The following NTSR2 variants were observed in gnomAD, a reference collection of about 807,000 sequenced individuals.
NTSR2 encodes the protein neurotensin receptor type 2.
A neutral mutation model predicts 24.1 loss-of-function variants in NTSR2; 22 were observed. The ratio of observed to expected loss-of-function variants is 0.91; its 90% CI spans 0.65 to 1.30. The LOEUF is 1.30. NTSR2 is among the 50% of genes most tolerant of loss of function. NTSR2 has a pLI of 0.00. For synonymous variants in NTSR2, 291 were observed against 267.0 expected (o/e 1.09, Z -0.88); for missense variants, 570 against 570.4 (o/e 1.00, Z 0.01).
intron 2 of NTSR2, 39 bp from the exon 3 acceptor site, chr2:11,660,172 A>G (rs759033683): frequency 6.7e-7 from 1 of 1,490,876 alleles, no homozygotes; most frequent in Non-Finnish European, 9.3e-7. Flanking sequence ...CGCCAGGAGA[A>G]AGCAAACACA....
In NTSR2 at chr2:11,669,627, AG is replaced by A; in HGVS notation, c.502del (p.Leu168CysfsTer31). 1 of 1,575,086 alleles carries A rather than the reference AG, an allele frequency of 6.3e-7. No individual in the cohort carries two copies. ...CTGCCCCATGATGACGGCCATGGGC[AG>A]GGCGAGGCCGAGCGAGGCGGCCCAC... ...LSWAASLGLA[L>X]PMAVIMGQKH... is the part of the protein sequence containing the mutation. On this transcript the variant is annotated frameshift_variant, in exon 1 of 4. Transcript: ENST00000306928. LOFTEE classifies it high-confidence loss of function.
In NTSR2 at chr2:11,662,172, G is replaced by T; in HGVS notation, c.693C>A (p.Ser231Arg). The T allele has an allele frequency of 6.3e-7, 1 of 1,592,986 alleles. No individual in the cohort carries two copies. The highest frequency in any genetic ancestry group is 1.8e-5 in the Admixed American group (1 of 56,858). The change falls in exon 2 of 4, where the codon AGC becomes AGA. Residue 231 changes from serine to arginine, a missense_variant. Ser to Arg is a moderately radical substitution (Grantham distance 110, BLOSUM62 -1). Transcript: ENST00000306928. ...LTAFLNGVTV[S>R]HLLALCSQVP... ...CTTGGGAGCAGAGGGCCAGCAGGTG[G>T]CTCACTGTGACCCCATTCAGGAAAG...
chr2:11,668,068 C>T (rs1389976455), intron 1 of NTSR2, among the ~76,000 whole-genome samples: 1 of 151,602 alleles, frequency 6.6e-6, no homozygotes, highest in African/African-American at 2.4e-5. Context: ...GGGGCATGCT[C>T]AATATCTGGA....
At chr2:11,668,286 A>T (rs1661247698) in intron 1 of NTSR2, among the ~76,000 whole-genome samples, 1 of 152,216 alleles carries the variant, frequency 6.6e-6, no homozygotes, top group African/African-American at 2.4e-5. Flanking sequence ...GGATGAGCAG[A>T]CACGAACAAA....
chr2:11,668,449 G>A lies in NTSR2; in HGVS notation c.624+1057C>T, dbSNP rs576330662. ...CCTGGGGACGTGCCACTAAGAAGCC[G>A]CTTAGGAGACTGCTTAGGACGAGTC... On this transcript the variant is annotated intron_variant, in intron 1 of 3. Coordinates refer to ENST00000306928, the MANE Select transcript of NTSR2 (RefSeq NM_012344.4). Among the ~76,000 whole-genome samples, 9 of 152,290 alleles carry A rather than the reference G, an allele frequency of 5.9e-5. No individual in the cohort carries two copies. The South Asian group carries it at 1.0e-3, about 18-fold the overall frequency.
chr2:11,658,620 G>A lies in NTSR2; in HGVS notation c.1092C>T (p.Ser364=). The change falls in exon 4 of 4, where the codon TCC becomes TCT. Residue 364 remains serine (S), a synonymous_variant. Transcript: ENST00000306928. ...CGGCTTCCAGGAAGAGTTTTCTGAA[G>A]GAGGAGGACACGGCGTTGTAGAGAA... ...TPLLYNAVSS[S]FRKLFLEAVS... The A allele has an allele frequency of 6.2e-7, 1 of 1,614,204 alleles. No homozygotes were observed. The highest frequency in any genetic ancestry group is 8.5e-7 in the Non-Finnish European group (1 of 1,180,040).
In NTSR2 at chr2:11,669,794, G is replaced by T; in HGVS notation, c.336C>A (p.Tyr112Ter). The change falls in exon 1 of 4, where the codon TAC (tyrosine) becomes TAA (stop). Residue 112 changes from tyrosine (Y) to a stop codon, truncating the protein, a stop_gained. Transcript: ENST00000306928. LOFTEE classifies it high-confidence loss of function. The stretch of plus-strand genomic sequence containing the variant: ...CGTAGGCGCACAGCTCGTGCACGAA[G>T]TAGTAGCCGCGGCAGCCCAGGTCGC... ...VFGDLGCRGY[Y>*]FVHELCAYAT... is the part of the protein sequence containing the mutation. 6.4e-7 allele frequency: 1 copy of T among 1,558,176 alleles called. No individual in the cohort carries two copies. Among genetic ancestry groups the T allele is most frequent in the Non-Finnish European group, 8.6e-7 (1 of 1,158,874 alleles).
rs1168694299 is a variant in NTSR2 at position 11,669,815 on chromosome 2, G to C, written c.315C>G (p.Asp105Glu). 5.1e-6 allele frequency: 8 copies of C among 1,569,452 alleles called. No individual in the cohort carries two copies. The African/African-American group carries it at 1.1e-4, about 21-fold the overall frequency. The change falls in exon 1 of 4, where the codon GAC becomes GAG. Residue 105 changes from aspartate to glutamate, a missense_variant. By Grantham distance (45) the Asp-to-Glu change is conservative (BLOSUM62 2). Transcript: ENST00000306928. Reference protein sequence around the residue: ...VWFHYPWVFGDLGCRGYYFVH... With the variant: ...VWFHYPWVFGELGCRGYYFVH... ...CGAAGTAGTAGCCGCGGCAGCCCAG[G>C]TCGCCGAAGACCCAGGGGTAGTGGA...
intron 1 of NTSR2, among the ~76,000 whole-genome samples, chr2:11,666,401 G>A (rs1056984252): frequency 8.5e-5 from 13 of 152,170 alleles, no homozygotes; most frequent in African/African-American, 2.2e-4. Flanking sequence ...AAAAAACAAC[G>A]AACAAAAAGT....
intron 1 of NTSR2, among the ~76,000 whole-genome samples, chr2:11,665,055 GTTTTTTTTTTTTTTTT>G (rs34751276): frequency 9.4e-6 from 1 of 106,676 alleles, no homozygotes; most frequent in African/African-American, 4.3e-5. Context: ...CTTTGGCACT[GTTTTTTTTTTTTTTTT>G]TTTTTTTTTT....
intron 3 of NTSR2, 132 bp from the exon 4 acceptor site, chr2:11,658,854 GT>G (rs1278712256): frequency 3.5e-5 from 38 of 1,075,092 alleles, no homozygotes; most frequent in Non-Finnish European, 4.8e-5. Context: ...GAAGCACAGT[GT>G]TTTTGTTTGT....
chr2:11,663,792 G>A (rs1661134504), intron 1 of NTSR2, among the ~76,000 whole-genome samples: 1 of 152,102 alleles, frequency 6.6e-6, no homozygotes, highest in Non-Finnish European at 1.5e-5. Context: ...ATAAGACAGT[G>A]GATACAATTT....
intron 1 of NTSR2, among the ~76,000 whole-genome samples, chr2:11,664,255 T>C (rs1157758340): frequency 1.3e-5 from 2 of 152,014 alleles, no homozygotes; most frequent in African/African-American, 4.8e-5. Context: ...TAGCTGGGAC[T>C]ACATGCATGT....
intron 3 of NTSR2, among the ~76,000 whole-genome samples, chr2:11,658,966 G>C (rs1031032769): frequency 6.6e-5 from 10 of 152,134 alleles, no homozygotes; most frequent in Non-Finnish European, 1.3e-4. Context: ...CAATTCTCCT[G>C]CCTACAGTCC....
At chr2:11,660,584 G>C (rs1383758832) in intron 2 of NTSR2, among the ~76,000 whole-genome samples, 1 of 152,028 alleles carries the variant, frequency 6.6e-6, no homozygotes, top group Admixed American at 6.6e-5. Flanking sequence ...TGGCTAACAG[G>C]ACAAAAATTA....
rs1465698722 is a variant in NTSR2, at chr2:11,670,041, C to A, written c.89G>T (p.Trp30Leu). 1 of 1,503,062 alleles carries A rather than the reference C, an allele frequency of 6.7e-7. No individual in the cohort carries two copies. The highest frequency in any genetic ancestry group is 2.6e-5 in the East Asian group (1 of 37,786). 93.1% of individuals were successfully genotyped at this position (1,503,062 alleles called of 1,614,324 possible). A position where few individuals can be genotyped will look rare whatever the true frequency, so the allele number is the denominator to read the frequency against. The change falls in exon 1 of 4, where the codon TGG becomes TTG. Residue 30 changes from tryptophan (W) to leucine (L), a missense_variant. Physicochemically the swap from Trp to Leu is moderately conservative, Grantham distance 61. Coordinates refer to ENST00000306928, the MANE Select transcript of NTSR2 (RefSeq NM_012344.4). ...GAGCGCGGTGAACAGCACCTTGGCCCAGAGGCGAGTGTCCACGCCCAGCCG... is the reference window on the plus strand; with the variant it reads ...GAGCGCGGTGAACAGCACCTTGGCCAAGAGGCGAGTGTCCACGCCCAGCCG... The part of the protein sequence containing the change: ...DARLGVDTRL[W>L]AKVLFTALYA...
chr2:11,661,960 A>G lies in NTSR2; in HGVS notation c.898+7T>C, dbSNP rs1333708481. 1 of 1,570,914 alleles carries G rather than the reference A, an allele frequency of 6.4e-7. No individual in the cohort carries two copies. Among genetic ancestry groups the G allele is most frequent in the Non-Finnish European group, 8.6e-7 (1 of 1,158,240 alleles). On this transcript the variant is annotated splice_region_variant and intron_variant, in intron 2 of 3. Transcript: ENST00000306928. Reference sequence around the variant, plus strand: ...TTCTTCTGGGGTGATGTTACAGAGGACTTAACTGAGAACCTGGACGCTGCG... The same window carrying G: ...TTCTTCTGGGGTGATGTTACAGAGGGCTTAACTGAGAACCTGGACGCTGCG...
intron 3 of NTSR2, 97 bp from the exon 4 acceptor site, chr2:11,658,819 G>A: frequency 1.5e-6 from 2 of 1,377,554 alleles, no homozygotes; most frequent in Non-Finnish European, 2.0e-6. Flanking sequence ...AGGGCTGCAT[G>A]ACGAAGCCTA....
At chr2:11,669,160 CAG>C (rs1477249867) in intron 1 of NTSR2, among the ~76,000 whole-genome samples, 3 of 152,148 alleles carry the variant, frequency 2.0e-5, no homozygotes, top group Non-Finnish European at 4.4e-5. Flanking sequence ...CGTTGGAACA[CAG>C]ACTTCGGGCT....
Sources: allele counts gnomAD v4.1 joint callset (sites outside exome capture counted in the v4.1 genomes callset), GRCh38; gene constraint gnomAD v4.1.1; transcripts MANE v1.5; gene names NCBI Gene and HGNC (gene_info 2026-07-23, HGNC 2026-07-21).